SP140: variants seen among roughly 807,000 people sequenced by gnomAD.
The protein encoded by SP140 is SP140 nuclear body protein.
Under a neutral mutation model 125.0 loss-of-function variants are expected in SP140, and 81 were observed. The ratio of observed to expected loss-of-function variants is 0.65; its 90% confidence interval spans 0.54 to 0.78. The LOEUF (loss-of-function observed/expected upper bound fraction) is 0.78. Among genes scored for constraint, SP140 ranks in the 30% least tolerant of loss-of-function variants. The pLI, the probability that SP140 is intolerant of heterozygous loss-of-function variation, is 0.00. For missense variants in SP140, 858 were observed against 1,037.0 expected (o/e 0.83, Z 2.37); for synonymous variants, 312 against 354.0 (o/e 0.88, Z 1.33).
chr2:230,263,224 C>G (rs561375554), intron 12 of SP140, among the ~76,000 whole-genome samples: 1 of 152,306 alleles, frequency 6.6e-6, no homozygotes, highest in East Asian at 1.9e-4. Context: ...CCCTCTGTGT[C>G]TCTTTTAACT....
chr2:230,289,838 T>G (rs2056911228), intron 18 of SP140, among the ~76,000 whole-genome samples: 2 of 152,110 alleles, frequency 1.3e-5, no homozygotes, highest in African/African-American at 2.4e-5. Context: ...TTGAAGACCT[T>G]TCACCCCCTT....
upstream of SP140, chr2:230,202,606 C>G (rs201046446): frequency 1.2e-6 from 2 of 1,614,084 alleles, no homozygotes; most frequent in African/African-American, 1.3e-5. Flanking sequence ...CGGGCACATT[C>G]AGTTCTCGCC....
intron 15 of SP140, 141 bp from the exon 16 acceptor site, chr2:230,284,205 T>C: frequency 1.3e-6 from 1 of 758,836 alleles, no homozygotes. Flanking sequence ...ACCTCCACGC[T>C]GCTACACTGA....
rs531545004 is a variant in SP140 at position 230,279,345 on chromosome 2, T to A, written c.1499-5001T>A. ...AAATTTGTATTGAATCATAAAAGAC[T>A]CCAAATAGTCAAAGTAATTTTGAAA... On this transcript the variant is annotated intron_variant, in intron 15 of 26. Transcript: ENST00000392045. Among the ~76,000 whole-genome samples the A allele has an allele frequency of 3.3e-5, 5 of 151,930 alleles. No homozygotes were observed. The South Asian group carries it at 1.0e-3, about 32-fold the overall frequency.
intron 1 of SP140, among the ~76,000 whole-genome samples, chr2:230,235,251 G>A (rs2047802112): frequency 6.6e-6 from 1 of 152,144 alleles, no homozygotes; most frequent in African/African-American, 2.4e-5. Context: ...TCTCTGGGAG[G>A]CTGCAGGACA....
At chr2:230,298,661 A>T (rs1466912217) in intron 22 of SP140, among the ~76,000 whole-genome samples, 1 of 152,216 alleles carries the variant, frequency 6.6e-6, no homozygotes, top group Non-Finnish European at 1.5e-5. Context: ...TTGACTTATA[A>T]TATCCCCATG....
At chr2:230,245,762 C>T in intron 6 of SP140, 101 bp from the exon 7 acceptor site, 1 of 727,622 alleles carries the variant, frequency 1.4e-6, no homozygotes, top group Non-Finnish European at 2.4e-6. Flanking sequence ...CCTTTATTCC[C>T]AGGGAGCAGT....
At chr2:230,221,777 C>T, upstream of SP140, 9 of 1,502,960 alleles carry the variant, frequency 6.0e-6, no homozygotes, top group Non-Finnish European at 8.1e-6. Flanking sequence ...GAACTTCTTC[C>T]TTTAGATCTA....
upstream of SP140, among the ~76,000 whole-genome samples, chr2:230,223,652 G>T (rs1270308479): frequency 6.6e-6 from 1 of 152,166 alleles, no homozygotes; most frequent in Non-Finnish European, 1.5e-5. Context: ...TGACATAATT[G>T]GACATAAAAA....
intron 18 of SP140, 56 bp from the exon 19 acceptor site, chr2:230,290,404 G>T: frequency 6.7e-7 from 1 of 1,481,740 alleles, no homozygotes; most frequent in Non-Finnish European, 9.4e-7. Context: ...ACCTCAGTAG[G>T]GAGGGGGGAC....
At chr2:230,263,721 G>A (rs990395593) in intron 12 of SP140, among the ~76,000 whole-genome samples, 15 of 152,154 alleles carry the variant, frequency 9.9e-5, no homozygotes, top group African/African-American at 3.4e-4. Context: ...TCTTTCCTTC[G>A]TATATGATGC....
At chr2:230,261,008 G>C (rs931373764) in intron 12 of SP140, among the ~76,000 whole-genome samples, 1 of 152,106 alleles carries the variant, frequency 6.6e-6, no homozygotes, top group Non-Finnish European at 1.5e-5. Flanking sequence ...GGATTGCATT[G>C]AATTTGTGAT....
chr2:230,292,804 G>C lies in SP140; in HGVS notation c.1968+16G>C. On this transcript the variant is annotated intron_variant, in intron 20 of 26. Coordinates refer to ENST00000392045, the MANE Select transcript of SP140 (RefSeq NM_007237.5). ...GCTGATGGAGGTATTCCAATGACAA[G>C]GGGCCAGGCCTGTGTTCCTTCTTGT... 6.2e-7 allele frequency: 1 copy of C among 1,613,646 alleles called. No individual in the cohort carries two copies. Among genetic ancestry groups the C allele is most frequent in the South Asian group, 1.1e-5 (1 of 91,060 alleles).
chr2:230,306,497 G>C (rs2058776479), intron 22 of SP140, among the ~76,000 whole-genome samples: 1 of 152,190 alleles, frequency 6.6e-6, no homozygotes, highest in Non-Finnish European at 1.5e-5. Flanking sequence ...CAGGTGCCCA[G>C]GTTGCAGCTG....
chr2:230,241,652 G>A (rs115336276), intron 4 of SP140, among the ~76,000 whole-genome samples, 165 bp downstream of exon 4: 3 of 152,084 alleles, frequency 2.0e-5, no homozygotes, highest in African/African-American at 7.2e-5. Flanking sequence ...AGATGTGAGA[G>A]AACCAATGAA....
At chr2:230,300,750 A>G (rs1388784078) in intron 22 of SP140, among the ~76,000 whole-genome samples, 2 of 152,142 alleles carry the variant, frequency 1.3e-5, no homozygotes, top group African/African-American at 2.4e-5. Flanking sequence ...GTTCTATAAC[A>G]CCCCCAAAAG....
chr2:230,285,829 A>G lies in SP140; in HGVS notation c.1642A>G (p.Arg548Gly), dbSNP rs1281319077. The change falls in exon 17 of 27, where the codon AGG (arginine) becomes GGG (glycine). Residue 548 changes from arginine (R) to glycine (G), a missense_variant. Transcript: ENST00000392045. ...GAATCTGAAAGACCTTTCCAAGATT[A>G]GGGGTAAGATAAAGTTTGTCCGCTT... is the stretch of plus-strand genomic sequence containing the variant. ...NVNLKDLSKI[R>G]GRKRGKPGTR... 2 of 1,610,544 alleles carry G rather than the reference A, an allele frequency of 1.2e-6. No homozygotes were observed. Among genetic ancestry groups the G allele is most frequent in the Admixed American group, 1.7e-5 (1 of 59,988 alleles).
At chr2:230,266,228 G>A (rs1045578473) in intron 12 of SP140, among the ~76,000 whole-genome samples, 5 of 152,174 alleles carry the variant, frequency 3.3e-5, no homozygotes, top group Non-Finnish European at 7.3e-5. Context: ...AATAGATTAT[G>A]TCTGAGAAAA....
At chr2:230,265,092 AG>A (rs1351042726) in intron 12 of SP140, among the ~76,000 whole-genome samples, 1 of 149,606 alleles carries the variant, frequency 6.7e-6, no homozygotes, top group Non-Finnish European at 1.5e-5. Flanking sequence ...CAGGTGGGGG[AG>A]GGGCTAGGCA....
Sources: gnomAD v4.1 joint callset for allele counts (sites outside exome capture counted in the v4.1 genomes callset) on GRCh38, gnomAD v4.1.1 for gene constraint, MANE v1.5 for transcripts, NCBI Gene and HGNC (gene_info 2026-07-23, HGNC 2026-07-21) for gene names.